CLSTN2: variants seen among roughly 807,000 people sequenced by gnomAD.
CLSTN2 encodes calsyntenin-2.
CLSTN2 carries 48 observed loss-of-function variants against 101.2 expected under a neutral mutation model. The observed-to-expected ratio is 0.47, with a 90% CI of 0.38 to 0.60. CLSTN2 has a LOEUF of 0.60. CLSTN2 is among the 20% of genes least tolerant of loss of function. The pLI is 0.00. For missense variants in CLSTN2, 1,160 were observed against 1,238.2 expected, an observed-to-expected ratio of 0.94 and a Z score of 0.95; for synonymous variants, 481 against 463.6, an observed-to-expected ratio of 1.04 and a Z score of -0.48.
At chr3:140,514,592 CGT>C (rs1934881046) in intron 8 of CLSTN2, among the ~76,000 whole-genome samples, 1 of 152,094 alleles carries the variant, frequency 6.6e-6, no homozygotes. Context: ...CATTAACATG[CGT>C]GTCAAGTATC....
intron 1 of CLSTN2, among the ~76,000 whole-genome samples, chr3:140,139,656 A>G (rs1162124406): frequency 6.6e-6 from 1 of 152,236 alleles, no homozygotes; most frequent in Non-Finnish European, 1.5e-5. Flanking sequence ...AGAGCTAAAG[A>G]AATATATGCG....
intron 9 of CLSTN2, among the ~76,000 whole-genome samples, chr3:140,534,935 T>G (rs187477324): frequency 7.2e-5 from 11 of 152,238 alleles, no homozygotes. Context: ...TCTCACTTCT[T>G]TGTGGTTCCA....
At chr3:140,277,555 C>T (rs2107894081) in intron 2 of CLSTN2, among the ~76,000 whole-genome samples, 1 of 152,294 alleles carries the variant, frequency 6.6e-6, no homozygotes, top group South Asian at 2.1e-4. Context: ...GAAGAATCTT[C>T]TATTCAATTC....
chr3:140,419,896 T>C (rs2088481728), intron 4 of CLSTN2, among the ~76,000 whole-genome samples: 1 of 142,452 alleles, frequency 7.0e-6, no homozygotes, highest in Admixed American at 7.0e-5. Context: ...TTTGTTTATT[T>C]TGTTGATTTT....
intron 2 of CLSTN2, among the ~76,000 whole-genome samples, chr3:140,385,766 T>A (rs979113783): frequency 6.6e-6 from 1 of 152,156 alleles, no homozygotes; most frequent in African/African-American, 2.4e-5. Context: ...GGGTTACAGA[T>A]AAACATCACA....
At chr3:140,472,398 G>A (rs1173737853) in intron 8 of CLSTN2, among the ~76,000 whole-genome samples, 2 of 152,224 alleles carry the variant, frequency 1.3e-5, no homozygotes, top group Non-Finnish European at 2.9e-5. Context: ...ACTTGCATCT[G>A]CTCATTCGGT....
intron 1 of CLSTN2, among the ~76,000 whole-genome samples, chr3:140,113,077 G>A (rs2009181788): frequency 6.6e-6 from 1 of 152,126 alleles, no homozygotes; most frequent in African/African-American, 2.4e-5. Flanking sequence ...TAAATACTCT[G>A]ATTGGTTTTT....
intron 1 of CLSTN2, among the ~76,000 whole-genome samples, chr3:140,079,578 C>G (rs1459731968): frequency 6.6e-6 from 1 of 151,978 alleles, no homozygotes; most frequent in African/African-American, 2.4e-5. Context: ...AGTGAAACCC[C>G]ATCTTTACTA....
chr3:140,105,526 A>T (rs987247129), intron 1 of CLSTN2, among the ~76,000 whole-genome samples: 6 of 151,980 alleles, frequency 3.9e-5, no homozygotes, highest in African/African-American at 1.5e-4. Context: ...TTGACTGCCC[A>T]CTCCTAGGAC....
intron 1 of CLSTN2, among the ~76,000 whole-genome samples, chr3:139,969,270 C>T (rs1466484642): frequency 2.0e-5 from 3 of 152,154 alleles, no homozygotes; most frequent in African/African-American, 7.2e-5. Context: ...TACATTTTGT[C>T]CAATCTGCCA....
chr3:140,213,922 C>T (rs192396517), intron 2 of CLSTN2, among the ~76,000 whole-genome samples: 6 of 152,190 alleles, frequency 3.9e-5, no homozygotes, highest in African/African-American at 1.4e-4. Context: ...GATATGAGAG[C>T]AGAGGGAGCT....
At chr3:140,516,403 T>C (rs1195564384) in intron 8 of CLSTN2, among the ~76,000 whole-genome samples, 12 of 152,208 alleles carry the variant, frequency 7.9e-5, no homozygotes, top group Non-Finnish European at 1.5e-4. Context: ...CCTTGCTTTT[T>C]TTCATAGTTT....
chr3:140,464,782 A>G (rs1357681825), intron 7 of CLSTN2, among the ~76,000 whole-genome samples: 1 of 152,242 alleles, frequency 6.6e-6, no homozygotes, highest in Non-Finnish European at 1.5e-5. Context: ...AGAAATCTTT[A>G]GTAAAATCCC....
At chr3:139,939,049 C>T (rs113152739) in intron 1 of CLSTN2, among the ~76,000 whole-genome samples, 189 of 151,942 alleles carry the variant, frequency 1.2e-3, no homozygotes, top group African/African-American at 4.0e-3. Context: ...AGAGTGGCAG[C>T]GGAGAGAATT....
intron 1 of CLSTN2, among the ~76,000 whole-genome samples, chr3:139,950,957 G>A (rs1194408201): frequency 6.6e-6 from 1 of 152,188 alleles, no homozygotes; most frequent in African/African-American, 2.4e-5. Flanking sequence ...TTGTGGCGAT[G>A]TGACTTTTTT....
intron 5 of CLSTN2, among the ~76,000 whole-genome samples, chr3:140,443,861 G>T (rs1199638402): frequency 6.6e-6 from 1 of 152,130 alleles, no homozygotes; most frequent in Non-Finnish European, 1.5e-5. Context: ...AGCAATGGAG[G>T]CTATAAGATG....
intron 2 of CLSTN2, among the ~76,000 whole-genome samples, chr3:140,270,142 A>G (rs1360456421): frequency 6.6e-6 from 1 of 152,200 alleles, no homozygotes; most frequent in East Asian, 1.9e-4. Context: ...TGAGGATGTG[A>G]TGGCTACCAT....
At chr3:140,498,565 G>T (rs1934512537) in intron 8 of CLSTN2, among the ~76,000 whole-genome samples, 1 of 152,222 alleles carries the variant, frequency 6.6e-6, no homozygotes, top group South Asian at 2.1e-4. Flanking sequence ...CTTTTTAAAA[G>T]AAATCTTGTA....
chr3:140,354,834 G>A lies in CLSTN2; in HGVS notation c.233-48795G>A, dbSNP rs959277527. On this transcript the variant is annotated intron_variant, in intron 2 of 16. Coordinates refer to ENST00000458420, the MANE Select transcript of CLSTN2 (RefSeq NM_022131.3). The stretch of plus-strand genomic sequence containing the variant: ...CTGCCATGTTTCCCTCACTGTCTTC[G>A]AAGTTGCCGGGTCAACATTTACCTT... Among the ~76,000 whole-genome samples the A allele has an allele frequency of 3.3e-5, 5 of 152,192 alleles. No individual in the cohort carries two copies. The East Asian group carries it at 9.6e-4, about 29-fold the overall frequency.
Sources: allele counts gnomAD v4.1 joint callset (sites outside exome capture counted in the v4.1 genomes callset), GRCh38; gene constraint gnomAD v4.1.1; transcripts MANE v1.5; gene names NCBI Gene and HGNC (gene_info 2026-07-23, HGNC 2026-07-21).